Variants in IRAG1 observed in about 807,000 individuals in gnomAD.
IRAG1 encodes IP3R-associated cGMP kinase substrate.
In IRAG1, 62 loss-of-function variants were observed where a neutral mutation model predicts 106.2. That is an observed-to-expected ratio of 0.58 (90% confidence interval 0.48 to 0.72). The LOEUF (loss-of-function observed/expected upper bound fraction) is 0.72. Among genes scored for constraint, IRAG1 ranks in the 30% least tolerant of loss-of-function variants. The probability of loss-of-function intolerance (pLI) is 0.00; values close to 1 mark genes in which losing one functional copy is unlikely to be tolerated. For synonymous variants in IRAG1, 462 were observed against 443.9 expected, an observed-to-expected ratio of 1.04 and a Z score of -0.51; for missense variants, 1,064 against 1,140.7, an observed-to-expected ratio of 0.93 and a Z score of 0.97.
intron 4 of IRAG1, among the ~76,000 whole-genome samples, chr11:10,631,369 G>T (rs778078706): frequency 6.6e-6 from 1 of 152,126 alleles, no homozygotes; most frequent in Non-Finnish European, 1.5e-5. Flanking sequence ...TATCTGTCCA[G>T]CTCTCTAAGG....
intron 10 of IRAG1, among the ~76,000 whole-genome samples, chr11:10,612,163 G>A (rs573438263): frequency 9.2e-5 from 14 of 152,298 alleles, no homozygotes; most frequent in African/African-American, 2.4e-4. Flanking sequence ...TGGATTTGCC[G>A]TTTTTTCCTT....
chr11:10,609,692 G>T, intron 11 of IRAG1, 36 bp downstream of exon 11: 3 of 1,609,056 alleles, frequency 1.9e-6, no homozygotes, highest in Non-Finnish European at 2.5e-6. Context: ...GGGCCACTCG[G>T]TACAGGGCCT....
At chr11:10,650,515 G>A (rs1251984228) in intron 2 of IRAG1, among the ~76,000 whole-genome samples, 1 of 152,172 alleles carries the variant, frequency 6.6e-6, no homozygotes, top group Non-Finnish European at 1.5e-5. Context: ...AAAGTAGAAG[G>A]GGCCAGGGAT....
At position 10,626,380 on chromosome 11, in the gene IRAG1, C is replaced by G; in HGVS notation, c.954G>C (p.Leu318=). ...PVTNSSGKMA[L]NSPQPGPVES... ...CCACGGGGCCAGGCTGAGGGCTGTT[C>G]AGGGCCATTTTCCCACTGCTGTTTG... The change falls in exon 9 of 21, where the codon CTG becomes CTC. Residue 318 remains leucine, a synonymous_variant. Coordinates refer to ENST00000423302, the MANE Select transcript of IRAG1 (RefSeq NM_130385.4). 1 of 1,613,878 alleles carries G rather than the reference C, an allele frequency of 6.2e-7. No individual in the cohort carries two copies. The highest frequency in any genetic ancestry group is 8.5e-7 in the Non-Finnish European group (1 of 1,179,858).
At chr11:10,580,674 C>A in intron 19 of IRAG1, 85 bp from the exon 20 acceptor site, 2 of 1,445,726 alleles carry the variant, frequency 1.4e-6, no homozygotes, top group Non-Finnish European at 9.4e-7. Context: ...GGGACTTGAG[C>A]AGCACCTCCA....
At position 10,594,160 on chromosome 11, in the gene IRAG1, G is replaced by A. The variant is rs769734001; in HGVS notation, c.2053C>T (p.Leu685Phe). The change falls in exon 16 of 21, where the codon CTC (leucine) becomes TTC (phenylalanine). Residue 685 changes from leucine (L) to phenylalanine (F), a missense_variant. Physicochemically the swap from Leu to Phe is conservative, Grantham distance 22. Transcript: ENST00000423302. ...AACATGCATACCTTTCCCAGCGTGAGGGACATGGACCGTGCCGTGCGAGGG... is the reference window on the plus strand; with the variant it reads ...AACATGCATACCTTTCCCAGCGTGAAGGACATGGACCGTGCCGTGCGAGGG... ...GVPRTARSMSLTLGKNMPRRR... is the reference protein window; with the variant it reads ...GVPRTARSMSFTLGKNMPRRR... 1.2e-6 allele frequency: 2 copies of A among 1,609,750 alleles called. No individual in the cohort carries two copies. The highest frequency in any genetic ancestry group is 1.7e-6 in the Non-Finnish European group (2 of 1,178,224).
In IRAG1 at chr11:10,647,391, A is replaced by G. The variant is rs1297215612; in HGVS notation, c.225+4634T>C. Among the ~76,000 whole-genome samples, 1 of 152,244 alleles carries G rather than the reference A, an allele frequency of 6.6e-6. No homozygotes were observed. Among genetic ancestry groups the G allele is most frequent in the Non-Finnish European group, 1.5e-5 (1 of 68,046 alleles). ...TATATGTTAAATGAGTTAATATGGTAGACGAGTATCTGGCACAGGGTTAGC... is the reference window on the plus strand; with the variant it reads ...TATATGTTAAATGAGTTAATATGGTGGACGAGTATCTGGCACAGGGTTAGC... On this transcript the variant is annotated intron_variant, in intron 2 of 20. Coordinates refer to ENST00000423302, the MANE Select transcript of IRAG1 (RefSeq NM_130385.4). This position sits in a 1 kb window ranked among gnomAD's most constrained non-coding sequence, Gnocchi z 4.3.
intron 10 of IRAG1, among the ~76,000 whole-genome samples, chr11:10,610,111 A>G (rs1389569072): frequency 6.6e-6 from 1 of 152,234 alleles, no homozygotes; most frequent in African/African-American, 2.4e-5. Context: ...CTCAAGGTCT[A>G]CCTGCTTCAA....
chr11:10,627,913 G>A (rs989835195), intron 7 of IRAG1, 60 bp downstream of exon 7: 16 of 1,575,650 alleles, frequency 1.0e-5, no homozygotes, highest in East Asian at 4.5e-5. Context: ...CCTGGTGTTC[G>A]GGGTAAGGGG....
chr11:10,632,124 G>T lies in IRAG1; in HGVS notation c.330-63C>A, dbSNP rs148114346. On this transcript the variant is annotated intron_variant, in intron 3 of 20. Transcript: ENST00000423302. ...TCCACAACTTGAAAATAGGTGAAAA[G>T]ATGCCTGTATATTCTTTTTCTTTTT... 1.3e-3 allele frequency: 1,455 copies of T among 1,080,688 alleles called. 15 individuals carry two copies. In the African/African-American group the frequency reaches 0.019, roughly 14 times the overall value. 66.9% of individuals were successfully genotyped at this position (1,080,688 alleles called of 1,614,324 possible).
chr11:10,622,934 A>T (rs868863307), intron 10 of IRAG1, among the ~76,000 whole-genome samples: 89 of 124,278 alleles, frequency 7.2e-4, no homozygotes, highest in African/African-American at 2.4e-3. Context: ...CTCTAGGGAT[A>T]ATAGCTGACA....
In IRAG1 at chr11:10,659,073, G is replaced by GT. The variant is rs1227113650; in HGVS notation, c.68-6892dup. Among the ~76,000 whole-genome samples, 6 of 152,260 alleles carry GT rather than the reference G, an allele frequency of 3.9e-5. No homozygotes were observed. Among genetic ancestry groups the GT allele is most frequent in the African/African-American group, 9.6e-5 (4 of 41,458 alleles). ...TAGTCCCAGGTCTGGGCTGTGCTCAGTCCCAGGTTGGTCTGGTTTCAAAGC... is the reference window on the plus strand; with the variant it reads ...TAGTCCCAGGTCTGGGCTGTGCTCAGTTCCCAGGTTGGTCTGGTTTCAAAGC... On this transcript the variant is annotated intron_variant, in intron 1 of 20. Coordinates refer to ENST00000423302, the MANE Select transcript of IRAG1 (RefSeq NM_130385.4). This position sits in a 1 kb window ranked among gnomAD's most constrained non-coding sequence, Gnocchi z 4.1.
intron 2 of IRAG1, among the ~76,000 whole-genome samples, chr11:10,634,449 A>T (rs1224402254): frequency 2.0e-5 from 3 of 152,198 alleles, no homozygotes; most frequent in African/African-American, 7.2e-5. Flanking sequence ...TATACAATAC[A>T]TTATTAACTA....
intron 1 of IRAG1, among the ~76,000 whole-genome samples, chr11:10,674,361 A>T (rs997616790): frequency 6.6e-6 from 1 of 152,222 alleles, no homozygotes; most frequent in African/African-American, 2.4e-5. Flanking sequence ...TAGCAAAGAC[A>T]TTCAAATAAA....
rs1221060930 is a variant in IRAG1, at chr11:10,641,824, C to T, written c.226-7753G>A. Among the ~76,000 whole-genome samples, 4 of 152,138 alleles carry T rather than the reference C, an allele frequency of 2.6e-5. No homozygotes were observed. The South Asian group carries it at 6.2e-4, about 24-fold the overall frequency. On this transcript the variant is annotated intron_variant, in intron 2 of 20. Transcript: ENST00000423302. ...TTCTGCTTTTCTATTTTGATCTCCA[C>T]TTTATCAATGCAAAAACTGACTTGT...
intron 15 of IRAG1, among the ~76,000 whole-genome samples, chr11:10,598,873 G>T (rs1052160048): frequency 2.0e-5 from 3 of 152,130 alleles, no homozygotes; most frequent in African/African-American, 7.2e-5. Flanking sequence ...TGAAATCAGG[G>T]ATATTTTATT....
chr11:10,626,261 G>A lies in IRAG1; in HGVS notation c.1073C>T (p.Pro358Leu), dbSNP rs1856238520. The change falls in exon 9 of 21, where the codon CCA becomes CTA. Residue 358 changes from proline (P) to leucine (L), a missense_variant. Physicochemically the swap from Pro to Leu is moderately conservative, Grantham distance 98. Coordinates refer to ENST00000423302, the MANE Select transcript of IRAG1 (RefSeq NM_130385.4). ...PTQDAAGVGP[P>L]ASQGRGPAGE... ...AGCTGGGCCTCTCCCCTGGGAGGCTGGGGGACCCACTCCTGCCGCATCCTG... is the reference window on the plus strand; with the variant it reads ...AGCTGGGCCTCTCCCCTGGGAGGCTAGGGGACCCACTCCTGCCGCATCCTG... 6.2e-7 allele frequency: 1 copy of A among 1,609,282 alleles called. No homozygotes were observed. The highest frequency in any genetic ancestry group is 1.3e-5 in the African/African-American group (1 of 74,966).
intron 1 of IRAG1, among the ~76,000 whole-genome samples, chr11:10,680,368 A>AGAAGGAAGGAAGGAAG (rs1554935659): frequency 8.6e-5 from 7 of 80,960 alleles, no homozygotes; most frequent in African/African-American, 1.2e-4. Flanking sequence ...AAAGAAAGAA[A>AGAAGGAAGGAAGGAAG]GAAGGAAGGA....
chr11:10,597,294 A>G (rs1311317218), intron 15 of IRAG1, among the ~76,000 whole-genome samples: 1 of 151,892 alleles, frequency 6.6e-6, no homozygotes, highest in Non-Finnish European at 1.5e-5. Flanking sequence ...GTATTCTTTT[A>G]CTCTGTTTTT....
Sources: gnomAD v4.1 joint callset for allele counts (sites outside exome capture counted in the v4.1 genomes callset) on GRCh38, gnomAD v4.1.1 for gene constraint, Gnocchi (gnomAD v3.1) non-coding constraint, MANE v1.5 for transcripts, NCBI Gene and HGNC (gene_info 2026-07-23, HGNC 2026-07-21) for gene names.